FAT3: variants seen among roughly 807,000 people sequenced by gnomAD.
The protein encoded by FAT3 is protocadherin Fat 3.
In FAT3, 95 loss-of-function variants were observed where a neutral mutation model predicts 310.2. The ratio of observed to expected loss-of-function variants is 0.31; its 90% CI spans 0.26 to 0.36. The LOEUF is 0.36. Among genes scored for constraint, FAT3 ranks in the 10% least tolerant of loss-of-function variants. The pLI is 1.00. For synonymous variants in FAT3, 2,314 were observed against 2,192.9 expected (o/e 1.06, Z -1.54); for missense variants, 5,408 against 5,715.6 (o/e 0.95, Z 1.74).
chr11:92,750,099 T>A (rs765393409), intron 4 of FAT3, among the ~76,000 whole-genome samples: 1 of 152,240 alleles, frequency 6.6e-6, no homozygotes, highest in Non-Finnish European at 1.5e-5. Context: ...GGAAGCCTTC[T>A]TGCTGCGTGT....
intron 4 of FAT3, among the ~76,000 whole-genome samples, chr11:92,733,648 T>C (rs1261273826): frequency 6.6e-6 from 1 of 152,112 alleles, no homozygotes. Context: ...GAAAGCATGG[T>C]GGTCCCTAGG....
intron 4 of FAT3, among the ~76,000 whole-genome samples, chr11:92,744,548 C>T (rs900118284): frequency 1.3e-5 from 2 of 152,098 alleles, no homozygotes; most frequent in African/African-American, 2.4e-5. Context: ...TATTTTATAA[C>T]CATTTTTTTA....
chr11:92,413,160 A>T (rs777287330), intron 2 of FAT3, among the ~76,000 whole-genome samples: 2 of 152,126 alleles, frequency 1.3e-5, no homozygotes, highest in African/African-American at 4.8e-5. Context: ...TGCCTTTTTC[A>T]TATGTCATAT....
chr11:92,775,445 T>G (rs1946575145), intron 7 of FAT3, among the ~76,000 whole-genome samples: 1 of 152,226 alleles, frequency 6.6e-6, no homozygotes, highest in Non-Finnish European at 1.5e-5. Flanking sequence ...TCCTTTACTT[T>G]TCATTTGAAT....
chr11:92,509,516 T>C (rs1953221955), intron 2 of FAT3, among the ~76,000 whole-genome samples: 1 of 152,144 alleles, frequency 6.6e-6, no homozygotes, highest in Non-Finnish European at 1.5e-5. Flanking sequence ...TCAGCCAATA[T>C]TTATTGAGCA....
At chr11:92,442,048 CTTTT>C (rs1470507066) in intron 2 of FAT3, among the ~76,000 whole-genome samples, 1 of 141,122 alleles carries the variant, frequency 7.1e-6, no homozygotes, top group African/African-American at 2.8e-5. Context: ...AAATGACTTC[CTTTT>C]TAAGTGCAAA....
chr11:92,372,806 G>A (rs531973239), intron 2 of FAT3, among the ~76,000 whole-genome samples: 6 of 151,920 alleles, frequency 3.9e-5, no homozygotes, highest in East Asian at 2.0e-4. Context: ...GACTACAGGC[G>A]CCTGCCACCA....
At position 92,307,725 on chromosome 11, in the gene FAT3, A is replaced by T. The variant is rs575467149; in HGVS notation, c.-17-44371A>T. ...AAATCTGTGTTAAATAAAATACAGG[A>T]TCAAGCCAAGGAGCATGAAATTTGG... On this transcript the variant is annotated intron_variant, in intron 1 of 27. Coordinates refer to ENST00000525166, the MANE Select transcript of FAT3 (RefSeq NM_001367949.2). Among the ~76,000 whole-genome samples the T allele has an allele frequency of 5.3e-5, 8 of 152,304 alleles. No individual in the cohort carries two copies. The East Asian group carries it at 1.5e-3, about 29-fold the overall frequency.
At chr11:92,392,050 A>G (rs1949762530) in intron 2 of FAT3, among the ~76,000 whole-genome samples, 1 of 152,130 alleles carries the variant, frequency 6.6e-6, no homozygotes, top group African/African-American at 2.4e-5. Flanking sequence ...AGAAGCAGCT[A>G]TGATTTCTCC....
At chr11:92,505,678 G>T (rs1953078692) in intron 2 of FAT3, among the ~76,000 whole-genome samples, 1 of 152,054 alleles carries the variant, frequency 6.6e-6, no homozygotes, top group Non-Finnish European at 1.5e-5. Context: ...CTAGGTGTTT[G>T]TTTGTTTGTT....
At chr11:92,399,591 A>G (rs989179811) in intron 2 of FAT3, among the ~76,000 whole-genome samples, 2 of 152,308 alleles carry the variant, frequency 1.3e-5, no homozygotes, top group African/African-American at 4.8e-5. Flanking sequence ...TGACACGCCC[A>G]CAACTTGGTT....
Position 92,806,357 on chromosome 11 carries a change from T to C in FAT3, c.9094-5T>C. 6.3e-7 allele frequency: 1 copy of C among 1,596,668 alleles called. No individual in the cohort carries two copies. On this transcript the variant is annotated splice_polypyrimidine_tract_variant and splice_region_variant and intron_variant, in intron 11 of 27. Transcript: ENST00000525166. ...ATTTTATTACCTTTCTTCACCTTTGTCCAGGTTGCATATACAGCATTACTT... is the reference window on the plus strand; with the variant it reads ...ATTTTATTACCTTTCTTCACCTTTGCCCAGGTTGCATATACAGCATTACTT...
intron 1 of FAT3, among the ~76,000 whole-genome samples, chr11:92,241,814 T>A (rs1247002857): frequency 6.6e-6 from 1 of 152,054 alleles, no homozygotes; most frequent in Non-Finnish European, 1.5e-5. Flanking sequence ...TGAATGAGCC[T>A]TTTGAAGTTT....
At chr11:92,407,201 A>C (rs1261535946) in intron 2 of FAT3, among the ~76,000 whole-genome samples, 2 of 152,212 alleles carry the variant, frequency 1.3e-5, no homozygotes, top group Non-Finnish European at 2.9e-5. Context: ...TAACAAGAGA[A>C]AGCCAGGGAG....
intron 4 of FAT3, among the ~76,000 whole-genome samples, chr11:92,715,360 A>G (rs1489902261): frequency 6.6e-6 from 1 of 152,140 alleles, no homozygotes; most frequent in East Asian, 1.9e-4. Context: ...GTGAACCAAG[A>G]TCGCACCACT....
chr11:92,439,055 C>T (rs1951011322), intron 2 of FAT3, among the ~76,000 whole-genome samples: 1 of 152,188 alleles, frequency 6.6e-6, no homozygotes, highest in African/African-American at 2.4e-5. Flanking sequence ...GTTGGCAGAT[C>T]ACTGACTATG....
chr11:92,891,381 A>G lies in FAT3; in HGVS notation c.*268A>G. On this transcript the variant is annotated 3_prime_UTR_variant, in exon 28 of 28. Coordinates refer to ENST00000525166, the MANE Select transcript of FAT3 (RefSeq NM_001367949.2). ...TCACAGCTAAAAATGCAAAGAGGGA[A>G]AAATTATTTCACCCACTAAGTTATA... is the stretch of plus-strand genomic sequence containing the variant. 2.0e-6 allele frequency: 1 copy of G among 491,404 alleles called. No individual in the cohort carries two copies. Among genetic ancestry groups the G allele is most frequent in the East Asian group, 4.0e-5 (1 of 24,944 alleles). The allele number at this position is 491,404 out of a possible 1,614,324, so 30.4% of individuals were successfully genotyped here.
intron 1 of FAT3, among the ~76,000 whole-genome samples, chr11:92,225,761 G>A (rs1361976275): frequency 3.3e-5 from 5 of 152,122 alleles, no homozygotes; most frequent in Non-Finnish European, 7.4e-5. Context: ...TCGGGCTTGC[G>A]GGGCTTGTGG....
intron 3 of FAT3, among the ~76,000 whole-genome samples, chr11:92,638,232 G>A (rs1464472152): frequency 2.0e-5 from 3 of 152,156 alleles, no homozygotes; most frequent in South Asian, 2.1e-4. Flanking sequence ...GAGCAGACAG[G>A]CATGTATATG....
Sources: gnomAD v4.1 joint callset for allele counts (sites outside exome capture counted in the v4.1 genomes callset) on GRCh38, gnomAD v4.1.1 for gene constraint, MANE v1.5 for transcripts, NCBI Gene and HGNC (gene_info 2026-07-23, HGNC 2026-07-21) for gene names.